ANKRD13D: variants seen among roughly 807,000 people sequenced by gnomAD.
ANKRD13D encodes ankyrin repeat domain 13D, also known as ankyrin repeat domain-containing protein 13D.
In ANKRD13D, 24 loss-of-function variants were observed where a neutral mutation model predicts 68.8. That is an observed-to-expected ratio of 0.35 (90% CI 0.25 to 0.49). The LOEUF (loss-of-function observed/expected upper bound fraction) is 0.49, where lower values mean the gene tolerates loss of function less well. Among genes scored for constraint, ANKRD13D ranks in the 20% least tolerant of loss-of-function variants. ANKRD13D has a pLI of 0.99. For missense variants in ANKRD13D, 735 were observed against 832.1 expected, an observed-to-expected ratio of 0.88 and a Z score of 1.44; for synonymous variants, 331 against 336.1, an observed-to-expected ratio of 0.98 and a Z score of 0.16.
intron 6 of ANKRD13D, among the ~76,000 whole-genome samples, chr11:67,296,626 T>TGTTTC: frequency 6.6e-6 from 1 of 151,998 alleles, no homozygotes; most frequent in Admixed American, 6.6e-5. Context: ...TGTTTTGTTT[T>TGTTTC]GTTTTGTTTT....
At chr11:67,296,338 A>ACTGT (rs1554970156) in intron 6 of ANKRD13D, among the ~76,000 whole-genome samples, 12 of 147,764 alleles carry the variant, frequency 8.1e-5, no homozygotes, top group Non-Finnish European at 1.5e-4. Context: ...TTTGGGCCTG[A>ACTGT]GTGTGTGTGT....
chr11:67,289,447 C>T lies in ANKRD13D; in HGVS notation c.-14C>T. On this transcript the variant is annotated 5_prime_UTR_variant, in exon 1 of 15. Transcript: ENST00000511455. ...AAGCCGAGGCGGGGCCGGGATGCGG[C>T]GCTGAGGCCCAGCATGGCCGGCCCG... 1.4e-6 allele frequency: 2 copies of T among 1,459,130 alleles called. No homozygotes were observed. The highest frequency in any genetic ancestry group is 1.8e-6 in the Non-Finnish European group (2 of 1,112,480). The allele number at this position is 1,459,130 out of a possible 1,614,324, so 90.4% of individuals were successfully genotyped here.
intron 6 of ANKRD13D, among the ~76,000 whole-genome samples, chr11:67,294,822 A>C (rs1194075644): frequency 6.6e-6 from 1 of 152,058 alleles, no homozygotes; most frequent in Non-Finnish European, 1.5e-5. Context: ...TAAGGGTTTT[A>C]TTCTTTTTGA....
rs576256619 is a variant in ANKRD13D, at chr11:67,300,184, C to T, written c.1073+61C>T. On this transcript the variant is annotated intron_variant, in intron 10 of 14. Transcript: ENST00000511455. The surrounding 1 kb of genome is among the most constrained non-coding windows in gnomAD (Gnocchi z 4.3). The stretch of plus-strand genomic sequence containing the variant: ...GACAAGGGCTCTTGCAGACCCCTCT[C>T]TGGGCCTGTCATAGTTAGGGACCCA... 1.5e-4 allele frequency: 235 copies of T among 1,602,378 alleles called. No individual in the cohort carries two copies. Among genetic ancestry groups the T allele is most frequent in the Non-Finnish European group, 1.9e-4 (219 of 1,173,288 alleles).
chr11:67,292,207 G>A (rs1353994493), intron 6 of ANKRD13D, 27 bp downstream of exon 6: 1 of 1,563,352 alleles, frequency 6.4e-7, no homozygotes, highest in Non-Finnish European at 8.7e-7. Context: ...CACACCGTGG[G>A]TGGGATGGGG....
chr11:67,298,824 T>C, intron 6 of ANKRD13D: 1 of 568,114 alleles, frequency 1.8e-6, no homozygotes, highest in Non-Finnish European at 3.2e-6. Context: ...CCCGACACTA[T>C]CATACCTCAC....
chr11:67,290,322 T>C lies in ANKRD13D; in HGVS notation c.227T>C (p.Val76Ala). The change falls in exon 3 of 15, where the codon GTC becomes GCC. Residue 76 changes from valine (V) to alanine (A), a missense_variant and splice_region_variant. Physicochemically the swap from Val to Ala is moderately conservative, Grantham distance 64 (BLOSUM62 0). Transcript: ENST00000511455. ...VGKENRQGWA[V>A]LQEAVSTGDP... ...CCCCTCAGCAGCCTGGTGCCCGCAG[T>C]CCTGCAGGAGGCAGTCAGCACTGGA... is the stretch of plus-strand genomic sequence containing the variant. 1 of 1,551,872 alleles carries C rather than the reference T, an allele frequency of 6.4e-7. No individual in the cohort carries two copies. Among genetic ancestry groups the C allele is most frequent in the Non-Finnish European group, 8.7e-7 (1 of 1,147,418 alleles).
chr11:67,299,120 C>T lies in ANKRD13D; in HGVS notation c.794C>T (p.Ala265Val). Reference protein sequence around the residue: ...EKMETVSGYEAKVYSATNVEL... With the variant: ...EKMETVSGYEVKVYSATNVEL... ...ATGGAAACTGTTAGCGGCTACGAGG[C>T]CAAGGCAGGAGAGGCTAGGGGTGGG... is the stretch of plus-strand genomic sequence containing the variant. Residue 265 changes from alanine (A) to valine (V), a missense_variant, in exon 7 of 15, where the codon GCC becomes GTC. By Grantham distance (64) the Ala-to-Val change is moderately conservative. Coordinates refer to ENST00000511455, the MANE Select transcript of ANKRD13D (RefSeq NM_207354.3). This position sits in a 1 kb window ranked among gnomAD's most constrained non-coding sequence, Gnocchi z 6.2. 6.2e-7 allele frequency: 1 copy of T among 1,611,866 alleles called. No individual in the cohort carries two copies. Among genetic ancestry groups the T allele is most frequent in the Non-Finnish European group, 8.5e-7 (1 of 1,178,818 alleles).
In ANKRD13D at chr11:67,302,394, A is replaced by T; in HGVS notation, c.*62A>T. 6.9e-7 allele frequency: 1 copy of T among 1,444,574 alleles called. No homozygotes were observed. Among genetic ancestry groups the T allele is most frequent in the Non-Finnish European group, 9.1e-7 (1 of 1,094,282 alleles). The allele number at this position is 1,444,574 out of a possible 1,614,324, so 89.5% of individuals were successfully genotyped here. A position where few individuals can be genotyped will look rare whatever the true frequency, so the allele number is the denominator to read the frequency against. Reference sequence around the variant, plus strand: ...GCCCGCTTTTGTAATTTATTTATTTATAAACTCTCTGCTGCTGAGCTTGGG... The same window carrying T: ...GCCCGCTTTTGTAATTTATTTATTTTTAAACTCTCTGCTGCTGAGCTTGGG... On this transcript the variant is annotated 3_prime_UTR_variant, in exon 15 of 15. Coordinates refer to ENST00000511455, the MANE Select transcript of ANKRD13D (RefSeq NM_207354.3).
At position 67,302,175 on chromosome 11, in the gene ANKRD13D, C is replaced by T. The variant is rs773456687; in HGVS notation, c.1661C>T (p.Pro554Leu). Residue 554 changes from proline to leucine, a missense_variant, in exon 15 of 15, where the codon CCC becomes CTC. By Grantham distance (98) the Pro-to-Leu change is moderately conservative. Coordinates refer to ENST00000511455, the MANE Select transcript of ANKRD13D (RefSeq NM_207354.3). Reference sequence around the variant, plus strand: ...GAGCCCAGGGGCCCAGGATCCCCTCCCAGGACACCCCCAGCCCCCGGTCCA... The same window carrying T: ...GAGCCCAGGGGCCCAGGATCCCCTCTCAGGACACCCCCAGCCCCCGGTCCA... ...STEPRGPGSP[P>L]RTPPAPGPPS... The T allele has an allele frequency of 6.3e-7, 1 of 1,596,952 alleles. No individual in the cohort carries two copies. Among genetic ancestry groups the T allele is most frequent in the Non-Finnish European group, 8.5e-7 (1 of 1,172,722 alleles).
chr11:67,291,244 C>G (rs928730743), intron 3 of ANKRD13D: 10 of 531,938 alleles, frequency 1.9e-5, no homozygotes, highest in Admixed American at 1.4e-4. Flanking sequence ...GTGGTCCCAG[C>G]TACTCGGGAG....
In ANKRD13D at chr11:67,299,803, C is replaced by G; in HGVS notation, c.881-24C>G. On this transcript the variant is annotated intron_variant, in intron 8 of 14. Coordinates refer to ENST00000511455, the MANE Select transcript of ANKRD13D (RefSeq NM_207354.3). The surrounding 1 kb of genome is among the most constrained non-coding windows in gnomAD (Gnocchi z 6.2). ...GCGATGCGAGCATTGTGACCCCTTA[C>G]CAGCTCCCACCCCTTCTCCGTAGCG... 1 of 1,532,506 alleles carries G rather than the reference C, an allele frequency of 6.5e-7. No homozygotes were observed. Among genetic ancestry groups the G allele is most frequent in the Non-Finnish European group, 8.8e-7 (1 of 1,139,740 alleles). 94.9% of individuals were successfully genotyped at this position (1,532,506 alleles called of 1,614,324 possible).
At chr11:67,289,617 T>TGGGGGGGGGGGGGGGGGGGGGG in intron 1 of ANKRD13D, 67 bp downstream of exon 1, 1 of 1,125,062 alleles carries the variant, frequency 8.9e-7, no homozygotes, top group Non-Finnish European at 1.1e-6. Context: ...GCCTCCGTCC[T>TGGGGGGGGGGGGGGGGGGGGGG]GGAGCCCCCC....
Position 67,301,263 on chromosome 11 carries a change from C to T in ANKRD13D, c.1232-19C>T, listed in dbSNP as rs201238208. ...AGGTGGCTCTCCGCCAGGGCTCAGG[C>T]GTGGCTGTCTTCTCACAGAGATTCC... On this transcript the variant is annotated intron_variant, in intron 11 of 14. Coordinates refer to ENST00000511455, the MANE Select transcript of ANKRD13D (RefSeq NM_207354.3). The surrounding 1 kb of genome is among the most constrained non-coding windows in gnomAD (Gnocchi z 4.5). 572 of 1,604,632 alleles carry T rather than the reference C, an allele frequency of 3.6e-4. No individual in the cohort carries two copies. The highest frequency in any genetic ancestry group is 1.2e-3 in the Admixed American group (74 of 59,310).
Position 67,291,833 on chromosome 11 carries a change from T to C in ANKRD13D, c.541+87T>C, listed in dbSNP as rs932780333. 5 of 1,549,980 alleles carry C rather than the reference T, an allele frequency of 3.2e-6. No individual in the cohort carries two copies. In the African/African-American group the frequency reaches 4.1e-5, roughly 13 times the overall value. On this transcript the variant is annotated intron_variant, in intron 5 of 14. Transcript: ENST00000511455. ...ACGGTGCTGCCTTTTCTCTCCACTT[T>C]CCAGATGTGGAAGCTGAGGTTGGGG...
At position 67,299,739 on chromosome 11, in the gene ANKRD13D, C is replaced by A. The variant is rs754074883; in HGVS notation, c.881-88C>A. 5.9e-6 allele frequency: 9 copies of A among 1,537,304 alleles called. No individual in the cohort carries two copies. Among genetic ancestry groups the A allele is most frequent in the Non-Finnish European group, 7.9e-6 (9 of 1,136,180 alleles). On this transcript the variant is annotated intron_variant, in intron 8 of 14. Coordinates refer to ENST00000511455, the MANE Select transcript of ANKRD13D (RefSeq NM_207354.3). This position sits in a 1 kb window ranked among gnomAD's most constrained non-coding sequence, Gnocchi z 6.2. ...TCCCCATTCCCGTCTGACCCCTCTT[C>A]CCCCAGACAGTAGGCTCCAGGGGTG... is the stretch of plus-strand genomic sequence containing the variant.
intron 3 of ANKRD13D, 94 bp downstream of exon 3, chr11:67,290,540 G>C (rs1860490944): frequency 6.8e-7 from 1 of 1,469,976 alleles, no homozygotes; most frequent in East Asian, 2.5e-5. Flanking sequence ...CACCCAGTTT[G>C]TGCAGTGTGC....
Position 67,301,437 on chromosome 11 carries a change from C to G in ANKRD13D, c.1348+39C>G, listed in dbSNP as rs763654189. Reference sequence around the variant, plus strand: ...AGGAAGAGGGAGCCTGCACAGCTTTCTGGTCACCAAGCCCCGCGGGTTGAG... The same window carrying G: ...AGGAAGAGGGAGCCTGCACAGCTTTGTGGTCACCAAGCCCCGCGGGTTGAG... On this transcript the variant is annotated intron_variant, in intron 12 of 14. Transcript: ENST00000511455. This position sits in a 1 kb window ranked among gnomAD's most constrained non-coding sequence, Gnocchi z 4.5. 1.9e-6 allele frequency: 3 copies of G among 1,607,504 alleles called. No individual in the cohort carries two copies. In the East Asian group the frequency reaches 6.7e-5, roughly 36 times the overall value.
intron 6 of ANKRD13D, among the ~76,000 whole-genome samples, chr11:67,296,204 A>T (rs1216577744): frequency 6.6e-6 from 1 of 152,106 alleles, no homozygotes; most frequent in African/African-American, 2.4e-5. Context: ...TGGTTTTGGT[A>T]TCTGGGTGAT....
Sources: gnomAD v4.1 joint callset for allele counts (sites outside exome capture counted in the v4.1 genomes callset) on GRCh38, gnomAD v4.1.1 for gene constraint, Gnocchi (gnomAD v3.1) non-coding constraint, MANE v1.5 for transcripts, NCBI Gene and HGNC (gene_info 2026-07-23, HGNC 2026-07-21) for gene names.